Variants in CELF2 observed in about 807,000 individuals in gnomAD.
The protein encoded by CELF2 is CUGBP Elav-like family member 2, also known as CUG triplet repeat RNA-binding protein 2.
A neutral mutation model predicts 62.6 loss-of-function variants in CELF2; 8 were observed. The observed-to-expected ratio is 0.13, with a 90% CI of 0.07 to 0.23. The LOEUF (loss-of-function observed/expected upper bound fraction) is 0.23, where lower values mean the gene tolerates loss of function less well. Ranked by LOEUF, CELF2 falls within the 10% of genes least tolerant of loss-of-function variation. CELF2 has a pLI of 1.00. For synonymous variants in CELF2, 258 were observed against 250.0 expected, an observed-to-expected ratio of 1.03 and a Z score of -0.30; for missense variants, 333 against 671.0, an observed-to-expected ratio of 0.50 and a Z score of 5.56.
chr10:10,906,717 CTTTT>C (rs397846553), intron 1 of CELF2, among the ~76,000 whole-genome samples: 1 of 109,284 alleles, frequency 9.2e-6, no homozygotes, highest in Non-Finnish European at 1.7e-5. Flanking sequence ...TTTTTCTTTT[CTTTT>C]TTTTTTTTTT....
chr10:10,781,712 G>A, the CELF2 span, among the ~76,000 whole-genome samples: 4 of 152,162 alleles, frequency 2.6e-5, no homozygotes, highest in Non-Finnish European at 5.9e-5. Flanking sequence ...TAGCCTAGGT[G>A]TGTATTAGGC....
chr10:10,872,786 A>G (rs1363417586), intron 1 of CELF2, among the ~76,000 whole-genome samples: 2 of 152,074 alleles, frequency 1.3e-5, no homozygotes, highest in African/African-American at 2.4e-5. Context: ...TTCTGGTGAA[A>G]CCTCTTGCCA....
chr10:11,184,756 A>G (rs536863297), intron 2 of CELF2, among the ~76,000 whole-genome samples: 72 of 152,342 alleles, frequency 4.7e-4, no homozygotes, highest in Admixed American at 9.1e-4. Context: ...GTATCCTACA[A>G]CCTTGCTAAA....
At position 11,314,364 on chromosome 10, in the gene CELF2, G is replaced by A. The variant is rs547166496; in HGVS notation, c.1096+106G>A. ...GACCCGAAAAAGGATATGCCACGGG[G>A]AGAACTAAAACTTGGGATGGAGGAG... On this transcript the variant is annotated intron_variant, in intron 10 of 12. Coordinates refer to ENST00000633077, the MANE Select transcript of CELF2 (RefSeq NM_001326342.2). This position sits in a 1 kb window ranked among gnomAD's most constrained non-coding sequence, Gnocchi z 5.3. 1.4e-3 allele frequency: 2,063 copies of A among 1,487,458 alleles called. 5 individuals are homozygous for A. Among genetic ancestry groups the A allele is most frequent in the Non-Finnish European group, 1.7e-3 (1,771 of 1,069,522 alleles). The allele number at this position is 1,487,458 out of a possible 1,614,324, so 92.1% of individuals were successfully genotyped here.
intron 1 of CELF2, among the ~76,000 whole-genome samples, chr10:10,839,096 A>T (rs377211441): frequency 6.6e-6 from 1 of 152,200 alleles, no homozygotes; most frequent in African/African-American, 2.4e-5. Context: ...CAGTGAGCCA[A>T]CATCACTCCA....
chr10:10,577,364 T>TTTATTATTA, the CELF2 span, among the ~76,000 whole-genome samples: 3,374 of 141,382 alleles, frequency 0.024, 89 homozygotes, highest in East Asian at 0.12. Flanking sequence ...AACAAATCTT[T>TTTATTATTA]TTATTATTAT....
At chr10:11,017,518 A>G (rs1310562988), upstream of CELF2, among the ~76,000 whole-genome samples, 1 of 152,000 alleles carries the variant, frequency 6.6e-6, no homozygotes, top group Non-Finnish European at 1.5e-5. This position sits in a 1 kb window ranked among gnomAD's most constrained non-coding sequence, Gnocchi z 5.5. Flanking sequence ...CAAGCACACC[A>G]CACCGAGGAG....
At position 11,247,349 on chromosome 10, in the gene CELF2, C is replaced by A. The variant is rs771349808; in HGVS notation, c.355-1804C>A. On this transcript the variant is annotated intron_variant, in intron 3 of 12. Coordinates refer to ENST00000633077, the MANE Select transcript of CELF2 (RefSeq NM_001326342.2). The surrounding 1 kb of genome is among the most constrained non-coding windows in gnomAD (Gnocchi z 5.4). ...GTGAGAGGGAACTGTCACCCTTCCA[C>A]TTCCTGGGTCACTGCGGGGCTGCCC... Among the ~76,000 whole-genome samples the A allele has an allele frequency of 8.0e-4, 122 of 152,362 alleles. No homozygotes were observed. Among genetic ancestry groups the A allele is most frequent in the Non-Finnish European group, 1.5e-3 (101 of 68,036 alleles).
chr10:11,256,114 T>C lies in CELF2; in HGVS notation c.404-1624T>C, dbSNP rs759906302. 1.8e-4 allele frequency among the ~76,000 whole-genome samples: 28 copies of C among 152,236 alleles called. 1 individual carries two copies. Among genetic ancestry groups the C allele is most frequent in the Non-Finnish European group, 8.8e-5 (6 of 68,040 alleles). On this transcript the variant is annotated intron_variant, in intron 4 of 12. Transcript: ENST00000633077. ...TGCTATGAAGAGGAGCCTTTAGCTGTCTCCTCTAGGCCCTTCAGGGCCGTG... is the reference window on the plus strand; with the variant it reads ...TGCTATGAAGAGGAGCCTTTAGCTGCCTCCTCTAGGCCCTTCAGGGCCGTG...
chr10:11,111,004 C>G (rs2143013406), intron 1 of CELF2, among the ~76,000 whole-genome samples: 1 of 152,306 alleles, frequency 6.6e-6, no homozygotes, highest in East Asian at 1.9e-4. Context: ...TCAGCTCAGC[C>G]TCTCCCACTC....
chr10:10,685,561 A>G, the CELF2 span, among the ~76,000 whole-genome samples: 3 of 152,250 alleles, frequency 2.0e-5, no homozygotes, highest in African/African-American at 4.8e-5. Context: ...TGCAAAGTCC[A>G]TACACAACTA....
At chr10:10,570,364 G>T in the CELF2 span, among the ~76,000 whole-genome samples, 2 of 152,126 alleles carry the variant, frequency 1.3e-5, no homozygotes, top group African/African-American at 4.8e-5. Context: ...GAAAACCTCA[G>T]CTCAAGATGA....
chr10:10,798,243 T>C (rs1032216585), upstream of CELF2, among the ~76,000 whole-genome samples: 2 of 151,952 alleles, frequency 1.3e-5, no homozygotes, highest in African/African-American at 2.4e-5. Context: ...AGTGTCAGAG[T>C]CCCAGAGCCT....
the CELF2 span, among the ~76,000 whole-genome samples, chr10:10,614,588 A>T: frequency 1.3e-4 from 20 of 152,282 alleles, no homozygotes; most frequent in Non-Finnish European, 2.5e-4. Context: ...TGCCACCAGG[A>T]ACTCGGCAAG....
upstream of CELF2, among the ~76,000 whole-genome samples, chr10:11,014,770 T>C (rs1243954702): frequency 6.6e-6 from 1 of 152,160 alleles, no homozygotes; most frequent in Non-Finnish European, 1.5e-5. Flanking sequence ...AATGAGGTCA[T>C]TCAGAAACTT....
In CELF2 at chr10:11,247,755, G is replaced by A. The variant is rs183284686; in HGVS notation, c.355-1398G>A. ...CAGACAGATGCATGCTGGGAGGATC[G>A]CTTGCTCAAAGACTCTGCCCATCTC... On this transcript the variant is annotated intron_variant, in intron 3 of 12. Transcript: ENST00000633077. The surrounding 1 kb of genome is among the most constrained non-coding windows in gnomAD (Gnocchi z 5.4). Among the ~76,000 whole-genome samples, 32 of 152,234 alleles carry A rather than the reference G, an allele frequency of 2.1e-4. 1 individual carries two copies. Among genetic ancestry groups the A allele is most frequent in the Admixed American group, 1.3e-3 (20 of 15,290 alleles).
chr10:10,760,372 G>A, the CELF2 span, among the ~76,000 whole-genome samples: 4 of 152,314 alleles, frequency 2.6e-5, no homozygotes, highest in South Asian at 6.2e-4. Context: ...GCACCTGGAA[G>A]GAAAAGAGAC....
rs931084972 is a variant in CELF2, at chr10:11,217,746, G to A, written c.354+239G>A. Among the ~76,000 whole-genome samples, 4 of 152,162 alleles carry A rather than the reference G, an allele frequency of 2.6e-5. No individual in the cohort carries two copies. The highest frequency in any genetic ancestry group is 2.6e-4 in the Admixed American group (4 of 15,280). ...TGCATCCCCTGGTTAGAAAATCAGAGTGACCCCACTGGGCAGCCACGGCTG... is the reference window on the plus strand; with the variant it reads ...TGCATCCCCTGGTTAGAAAATCAGAATGACCCCACTGGGCAGCCACGGCTG... On this transcript the variant is annotated intron_variant, in intron 3 of 12. Transcript: ENST00000633077. This position sits in a 1 kb window ranked among gnomAD's most constrained non-coding sequence, Gnocchi z 5.6.
intron 10 of CELF2, chr10:11,317,208 T>C (rs1034778298): frequency 1.3e-5 from 2 of 151,840 alleles, no homozygotes; most frequent in African/African-American, 4.8e-5. Flanking sequence ...AGATGCCTGG[T>C]GAAAAGTGTC....
Sources: gnomAD v4.1 joint callset for allele counts (sites outside exome capture counted in the v4.1 genomes callset) on GRCh38, gnomAD v4.1.1 for gene constraint, Gnocchi (gnomAD v3.1) non-coding constraint, MANE v1.5 for transcripts, NCBI Gene and HGNC (gene_info 2026-07-23, HGNC 2026-07-21) for gene names.